The following SAMSN1 variants were observed in gnomAD, a reference collection of about 807,000 sequenced individuals.
The protein encoded by SAMSN1 is SAM domain-containing protein SAMSN-1.
Under a neutral mutation model 42.0 loss-of-function variants are expected in SAMSN1, and 31 were observed. That is an observed-to-expected ratio of 0.74 (90% confidence interval 0.55 to 1.00). SAMSN1 has a LOEUF of 1.00. SAMSN1 is among the 50% of genes least tolerant of loss of function. SAMSN1 has a pLI of 0.00. For synonymous variants in SAMSN1, 178 were observed against 151.9 expected (o/e 1.17, Z -1.26); for missense variants, 464 against 439.4 (o/e 1.06, Z -0.50).
intron 1 of SAMSN1, among the ~76,000 whole-genome samples, chr21:14,526,111 G>A (rs370557989): frequency 3.9e-5 from 6 of 152,036 alleles, no homozygotes; most frequent in African/African-American, 7.3e-5. Context: ...CAGGCAATTC[G>A]CCCGCCTTGG....
At position 14,500,737 on chromosome 21, in the gene SAMSN1, T is replaced by G. The variant is rs781380474; in HGVS notation, c.562-2A>C. 6.2e-7 allele frequency: 1 copy of G among 1,609,412 alleles called. No homozygotes were observed. The highest frequency in any genetic ancestry group is 1.7e-5 in the Admixed American group (1 of 60,006). ...AATAATGTCTATGATGTCTCCTTTC[T>G]AAGGGCAAAGAAATCCATACACATT... On this transcript the variant is annotated splice_acceptor_variant, in intron 5 of 7. Transcript: ENST00000400566. LOFTEE classifies it high-confidence loss of function.
intron 2 of SAMSN1, among the ~76,000 whole-genome samples, chr21:14,567,818 C>T (rs937916720): frequency 1.1e-4 from 16 of 151,968 alleles, no homozygotes; most frequent in African/African-American, 3.6e-4. Context: ...AATCTCGGTG[C>T]CCTGTTGCCT....
Position 14,510,157 on chromosome 21 carries a change from G to GA in SAMSN1, c.561+152dup, listed in dbSNP as rs541761817. Among the ~76,000 whole-genome samples the GA allele has an allele frequency of 1.0e-4, 15 of 146,092 alleles. No homozygotes were observed. The East Asian group carries it at 1.6e-3, about 15-fold the overall frequency. ...GTCTCAAAAAAAGAAAAAAAAAAAAGAAAAAAAGTCTTAGTACTGTAAGCT... is the reference window on the plus strand; with the variant it reads ...GTCTCAAAAAAAGAAAAAAAAAAAAGAAAAAAAAGTCTTAGTACTGTAAGCT... On this transcript the variant is annotated intron_variant, in intron 5 of 7. Transcript: ENST00000400566.
In SAMSN1 at chr21:14,614,254, C is replaced by A. The variant is rs116047971; in HGVS notation, c.198-1341G>T. Among the ~76,000 whole-genome samples the A allele has an allele frequency of 4.6e-3, 705 of 152,042 alleles. 5 individuals carry two copies. Among genetic ancestry groups the A allele is most frequent in the African/African-American group, 0.016 (649 of 41,426 alleles). ...CTGAAGCATGAAATTATGTGTCTGG[C>A]ATCTGCTTTATTAATACAAAAACAG... is the stretch of plus-strand genomic sequence containing the variant. On this transcript the variant is annotated intron_variant, in intron 3 of 15. Transcript: ENST00000647101.
At chr21:14,649,012 A>G (rs1983773981) in intron 1 of SAMSN1, among the ~76,000 whole-genome samples, 2 of 152,150 alleles carry the variant, frequency 1.3e-5, no homozygotes, top group South Asian at 4.2e-4. Context: ...AAAGACTTGG[A>G]ACCAACCCAA....
chr21:14,640,065 C>G (rs187930779), intron 2 of SAMSN1, among the ~76,000 whole-genome samples: 3 of 152,280 alleles, frequency 2.0e-5, no homozygotes, highest in Admixed American at 1.3e-4. Flanking sequence ...TACATATGAA[C>G]TACACTGGAT....
chr21:14,524,924 C>T (rs1219233479), intron 1 of SAMSN1, among the ~76,000 whole-genome samples: 2 of 152,054 alleles, frequency 1.3e-5, no homozygotes, highest in East Asian at 3.8e-4. Context: ...AAAAATGCAT[C>T]AGTTACATTG....
chr21:14,651,622 G>A (rs1983838992), intron 1 of SAMSN1, among the ~76,000 whole-genome samples: 1 of 151,850 alleles, frequency 6.6e-6, no homozygotes, highest in Non-Finnish European at 1.5e-5. Flanking sequence ...TCTAAGATCT[G>A]GAATATAACC....
chr21:14,570,371 A>G (rs1981261331), intron 2 of SAMSN1, among the ~76,000 whole-genome samples: 1 of 152,204 alleles, frequency 6.6e-6, no homozygotes, highest in Non-Finnish European at 1.5e-5. Context: ...CACTCTTTGT[A>G]GAAACAATGG....
At chr21:14,564,664 C>T (rs1012843586) in intron 2 of SAMSN1, among the ~76,000 whole-genome samples, 1 of 152,180 alleles carries the variant, frequency 6.6e-6, no homozygotes, top group African/African-American at 2.4e-5. Context: ...ACATCTAAAG[C>T]TTTATTTTAT....
At chr21:14,559,588 T>A (rs1264443442) in intron 2 of SAMSN1, among the ~76,000 whole-genome samples, 1 of 152,112 alleles carries the variant, frequency 6.6e-6, no homozygotes, top group East Asian at 1.9e-4. Context: ...ACTGCAGCAT[T>A]GAACTCATGG....
intron 2 of SAMSN1, among the ~76,000 whole-genome samples, chr21:14,616,329 G>A (rs115710223): frequency 0.017 from 2,609 of 152,020 alleles, 85 homozygotes; most frequent in African/African-American, 0.06. Context: ...AAAACAACAG[G>A]TCTTTTAAAT....
intron 2 of SAMSN1, among the ~76,000 whole-genome samples, chr21:14,558,836 A>G (rs1196832608): frequency 6.6e-6 from 1 of 152,190 alleles, no homozygotes; most frequent in East Asian, 1.9e-4. Context: ...AACATCTTTT[A>G]AGATAAATTA....
intron 2 of SAMSN1, among the ~76,000 whole-genome samples, chr21:14,624,924 C>T (rs533634220): frequency 6.6e-6 from 1 of 152,220 alleles, no homozygotes; most frequent in African/African-American, 2.4e-5. Flanking sequence ...AAAAGCTTAT[C>T]CACCATGATC....
At position 14,510,188 on chromosome 21, in the gene SAMSN1, C is replaced by T. The variant is rs866586934; in HGVS notation, c.561+122G>A. 65 of 913,536 alleles carry T rather than the reference C, an allele frequency of 7.1e-5. No homozygotes were observed. The Middle Eastern group carries it at 4.8e-3, about 67-fold the overall frequency. 56.6% of individuals were successfully genotyped at this position (913,536 alleles called of 1,614,324 possible). ...AAGTCTTAGTACTGTAAGCTAGCCT[C>T]CACTTCTACTGTTGGGAAGAACACA... On this transcript the variant is annotated intron_variant, in intron 5 of 7. Transcript: ENST00000400566.
intron 1 of SAMSN1, among the ~76,000 whole-genome samples, chr21:14,651,501 A>T (rs1230972917): frequency 6.6e-6 from 1 of 152,002 alleles, no homozygotes; most frequent in Non-Finnish European, 1.5e-5. Flanking sequence ...TGATAAAAAA[A>T]TACCTAAAAA....
At chr21:14,615,778 G>A (rs933818295) in intron 3 of SAMSN1, among the ~76,000 whole-genome samples, 1 of 145,438 alleles carries the variant, frequency 6.9e-6, no homozygotes, top group Admixed American at 7.2e-5. Context: ...CTACTGGAAT[G>A]TCACAACACA....
chr21:14,522,912 C>G (rs1978586349), intron 1 of SAMSN1, among the ~76,000 whole-genome samples: 1 of 152,174 alleles, frequency 6.6e-6, no homozygotes, highest in Non-Finnish European at 1.5e-5. Flanking sequence ...AGCACACATC[C>G]ACACTCCTCA....
At chr21:14,533,755 T>A (rs1196873684) in intron 1 of SAMSN1, among the ~76,000 whole-genome samples, 2 of 152,320 alleles carry the variant, frequency 1.3e-5, no homozygotes, top group Middle Eastern at 3.4e-3. Context: ...ATCAAAAAAT[T>A]GTTTCCCCTG....
Sources: allele counts gnomAD v4.1 joint callset (sites outside exome capture counted in the v4.1 genomes callset), GRCh38; gene constraint gnomAD v4.1.1; transcripts MANE v1.5; gene names NCBI Gene and HGNC (gene_info 2026-07-23, HGNC 2026-07-21).